SCD5: variants seen among roughly 807,000 people sequenced by gnomAD.
SCD5 encodes stearoyl-CoA desaturase 5.
A neutral mutation model predicts 30.4 loss-of-function variants in SCD5; 20 were observed. The observed-to-expected ratio is 0.66, with a 90% CI of 0.46 to 0.96. The LOEUF is 0.96. SCD5 is among the 40% of genes least tolerant of loss of function. The pLI is 0.00. For missense variants in SCD5, 381 were observed against 443.3 expected (o/e 0.86, Z 1.26); for synonymous variants, 173 against 176.4 (o/e 0.98, Z 0.16).
chr4:82,653,310 A>G (rs1727794340), intron 3 of SCD5, among the ~76,000 whole-genome samples: 1 of 152,182 alleles, frequency 6.6e-6, no homozygotes, highest in African/African-American at 2.4e-5. Context: ...ATAAACAGCA[A>G]AGGCGCAAAG....
intron 3 of SCD5, among the ~76,000 whole-genome samples, chr4:82,663,944 C>T (rs1728103031): frequency 6.6e-6 from 1 of 152,176 alleles, no homozygotes; most frequent in Admixed American, 6.5e-5. Context: ...TGCTAAGAAA[C>T]CCTTGACCCC....
intron 4 of SCD5, 81 bp downstream of exon 4, chr4:82,636,510 T>A (rs747393793): frequency 5.2e-5 from 59 of 1,124,910 alleles, no homozygotes; most frequent in Non-Finnish European, 7.4e-5. Flanking sequence ...TGCTTCTCTT[T>A]ACTGATTCCA....
At chr4:82,661,000 C>G (rs769359326) in intron 3 of SCD5, 1 of 1,614,046 alleles carries the variant, frequency 6.2e-7, no homozygotes, top group Non-Finnish European at 8.5e-7. Flanking sequence ...CAATATATGC[C>G]CTTGATGCCA....
chr4:82,637,673 G>A (rs910500341), intron 3 of SCD5, among the ~76,000 whole-genome samples: 3 of 152,238 alleles, frequency 2.0e-5, no homozygotes, highest in African/African-American at 7.2e-5. Flanking sequence ...CCTGTTCATA[G>A]TGTGTTCCTC....
chr4:82,741,383 T>C (rs570008420), intron 1 of SCD5, among the ~76,000 whole-genome samples: 1 of 152,300 alleles, frequency 6.6e-6, no homozygotes, highest in African/African-American at 2.4e-5. Context: ...ACTGCCATGC[T>C]TGTTCTGAAA....
At chr4:82,740,159 A>G (rs908474481) in intron 1 of SCD5, among the ~76,000 whole-genome samples, 1 of 152,252 alleles carries the variant, frequency 6.6e-6, no homozygotes, top group Non-Finnish European at 1.5e-5. Context: ...AATTATTTTT[A>G]AAATGAAAAA....
intron 1 of SCD5, among the ~76,000 whole-genome samples, chr4:82,721,690 C>T (rs958969043): frequency 2.0e-5 from 3 of 152,174 alleles, no homozygotes; most frequent in East Asian, 1.9e-4. Flanking sequence ...TGGAACAAAT[C>T]CTTCCCTCAC....
At chr4:82,758,360 G>A (rs944916993) in intron 1 of SCD5, among the ~76,000 whole-genome samples, 1 of 152,162 alleles carries the variant, frequency 6.6e-6, no homozygotes, top group Non-Finnish European at 1.5e-5. Flanking sequence ...AGATACTTGG[G>A]AGGCAGGAGG....
At chr4:82,653,590 C>T (rs1246536879) in intron 3 of SCD5, among the ~76,000 whole-genome samples, 1 of 151,690 alleles carries the variant, frequency 6.6e-6, no homozygotes, top group Non-Finnish European at 1.5e-5. Flanking sequence ...AATATTGGCC[C>T]TCTGCTTGTA....
At chr4:82,642,403 T>C (rs1727563899) in intron 3 of SCD5, among the ~76,000 whole-genome samples, 1 of 152,166 alleles carries the variant, frequency 6.6e-6, no homozygotes, top group Admixed American at 6.5e-5. Context: ...TTGCATATAT[T>C]TGAGTAAAAA....
intron 3 of SCD5, among the ~76,000 whole-genome samples, chr4:82,650,203 A>G (rs914208909): frequency 6.6e-6 from 1 of 152,206 alleles, no homozygotes; most frequent in Non-Finnish European, 1.5e-5. Flanking sequence ...CAGTAAATAG[A>G]AAGATGAATA....
intron 1 of SCD5, among the ~76,000 whole-genome samples, chr4:82,752,273 TTA>T (rs139910934): frequency 1.4e-4 from 21 of 145,624 alleles, no homozygotes; most frequent in Non-Finnish European, 1.7e-4. Context: ...TTTTAAAAAA[TTA>T]TATATATATA....
At chr4:82,781,007 CT>C (rs1721856189) in intron 1 of SCD5, among the ~76,000 whole-genome samples, 1 of 152,218 alleles carries the variant, frequency 6.6e-6, no homozygotes, top group African/African-American at 2.4e-5. Context: ...CCTCCTCACA[CT>C]CACATAATTG....
chr4:82,732,649 G>A (rs1720669197), intron 1 of SCD5, among the ~76,000 whole-genome samples: 1 of 152,164 alleles, frequency 6.6e-6, no homozygotes, highest in South Asian at 2.1e-4. Context: ...AGAATAAGCG[G>A]GTTGGGTAAT....
chr4:82,691,016 TTG>T (rs956592708), intron 2 of SCD5, among the ~76,000 whole-genome samples: 15 of 58,534 alleles, frequency 2.6e-4, no homozygotes, highest in African/African-American at 9.2e-4. Context: ...GTTTTTTTGT[TTG>T]TTTGTTTTGT....
chr4:82,730,278 T>TATAAAC lies in SCD5; in HGVS notation c.233-24866_233-24865insGTTTAT, dbSNP rs1334414910. On this transcript the variant is annotated intron_variant, in intron 1 of 4. Transcript: ENST00000319540. ...TATTATACATTTATATATATAGTTA[T>TATAAAC]ATATACTATATATAAATGTATAATA... Among the ~76,000 whole-genome samples the TATAAAC allele has an allele frequency of 3.4e-3, 421 of 124,254 alleles. 4 individuals are homozygous for TATAAAC. The highest frequency in any genetic ancestry group is 0.012 in the African/African-American group (406 of 33,034). The allele number at this position is 124,254 out of a possible 152,430, so 81.5% of individuals were successfully genotyped here. A position where few individuals can be genotyped will look rare whatever the true frequency, so the allele number is the denominator to read the frequency against.
intron 1 of SCD5, among the ~76,000 whole-genome samples, chr4:82,755,736 C>T (rs575729306): frequency 2.0e-4 from 30 of 152,306 alleles, no homozygotes; most frequent in African/African-American, 6.7e-4. Context: ...ATTTCTCCTA[C>T]TCATTCTCAA....
intron 3 of SCD5, chr4:82,660,572 A>T (rs1461540520): frequency 8.3e-7 from 1 of 1,204,178 alleles, no homozygotes; most frequent in East Asian, 4.3e-5. Context: ...ACATATATTA[A>T]CTAATGTATT....
At chr4:82,698,549 C>A (rs16833) in intron 2 of SCD5, among the ~76,000 whole-genome samples, 47,176 of 152,108 alleles carry the variant, frequency 0.31, 7,785 homozygotes, top group Middle Eastern at 0.45. Context: ...CCTGGCAGTG[C>A]CTTCCTGTGA....
Sources: allele counts gnomAD v4.1 joint callset (sites outside exome capture counted in the v4.1 genomes callset), GRCh38; gene constraint gnomAD v4.1.1; transcripts MANE v1.5; gene names NCBI Gene and HGNC (gene_info 2026-07-23, HGNC 2026-07-21).